The following GALNT1 variants were observed in gnomAD, a reference collection of about 807,000 sequenced individuals.
GALNT1 encodes polypeptide N-acetylgalactosaminyltransferase 1, also known as GalNAc transferase 1.
A neutral mutation model predicts 65.7 loss-of-function variants in GALNT1; 17 were observed. That is an observed-to-expected ratio of 0.26 (90% confidence interval 0.18 to 0.39). GALNT1 has a LOEUF of 0.39. Ranked by LOEUF, GALNT1 falls within the 10% of genes least tolerant of loss-of-function variation. The pLI is 1.00. For missense variants in GALNT1, 460 were observed against 672.8 expected, an observed-to-expected ratio of 0.68 and a Z score of 3.50; for synonymous variants, 210 against 219.7, an observed-to-expected ratio of 0.96 and a Z score of 0.39.
At chr18:35,588,230 G>A (rs2046399483) in intron 1 of GALNT1, among the ~76,000 whole-genome samples, 2 of 152,114 alleles carry the variant, frequency 1.3e-5, no homozygotes, top group Admixed American at 1.3e-4. Flanking sequence ...TGTGTTGATA[G>A]TTCTTTCAGC....
At chr18:35,604,590 T>C (rs2046623752) in intron 1 of GALNT1, among the ~76,000 whole-genome samples, 1 of 152,196 alleles carries the variant, frequency 6.6e-6, no homozygotes, top group African/African-American at 2.4e-5. Flanking sequence ...ATTTTTTGAC[T>C]TTTTAATAAT....
intron 1 of GALNT1, among the ~76,000 whole-genome samples, chr18:35,605,334 C>T (rs2046632564): frequency 6.6e-6 from 1 of 151,968 alleles, no homozygotes. Context: ...CCCGTCTCTA[C>T]TAAAAATACA....
At chr18:35,619,545 G>T (rs1291533151) in intron 1 of GALNT1, among the ~76,000 whole-genome samples, 4 of 152,130 alleles carry the variant, frequency 2.6e-5, no homozygotes, top group Non-Finnish European at 5.9e-5. Context: ...AAAAAAATTG[G>T]GAAAAGGGAG....
At chr18:35,599,802 T>C (rs1397112697) in intron 1 of GALNT1, among the ~76,000 whole-genome samples, 1 of 152,238 alleles carries the variant, frequency 6.6e-6, no homozygotes, top group Non-Finnish European at 1.5e-5. Flanking sequence ...CCAGTGATTA[T>C]TCTTCTTGCC....
At chr18:35,616,541 A>G (rs949124809) in intron 1 of GALNT1, among the ~76,000 whole-genome samples, 1 of 152,182 alleles carries the variant, frequency 6.6e-6, no homozygotes, top group Non-Finnish European at 1.5e-5. Context: ...CCTGCATTGC[A>G]TATGGCTAAT....
intron 4 of GALNT1, 52 bp downstream of exon 4, chr18:35,677,809 G>A (rs188999320): frequency 6.7e-5 from 88 of 1,314,992 alleles, no homozygotes; most frequent in East Asian, 4.9e-4. Flanking sequence ...TGTCACTAAC[G>A]GTTAAAACTA....
At chr18:35,648,126 G>A (rs2047258321) in intron 1 of GALNT1, among the ~76,000 whole-genome samples, 1 of 147,176 alleles carries the variant, frequency 6.8e-6, no homozygotes, top group East Asian at 2.0e-4. Flanking sequence ...GAAAGAGGGA[G>A]GGAAGGAAGG....
At chr18:35,648,910 G>T (rs903263986) in intron 1 of GALNT1, among the ~76,000 whole-genome samples, 3 of 152,314 alleles carry the variant, frequency 2.0e-5, no homozygotes, top group East Asian at 3.9e-4. Context: ...GCCCTTGGCA[G>T]CCGCTGATCT....
chr18:35,612,078 A>G (rs1477024796), intron 1 of GALNT1, among the ~76,000 whole-genome samples: 1 of 152,212 alleles, frequency 6.6e-6, no homozygotes, highest in Non-Finnish European at 1.5e-5. Flanking sequence ...ATAAAATATG[A>G]GCTCTAGCTT....
At chr18:35,672,807 G>A (rs1000641827) in intron 3 of GALNT1, among the ~76,000 whole-genome samples, 17 of 151,728 alleles carry the variant, frequency 1.1e-4, no homozygotes, top group African/African-American at 4.1e-4. Context: ...TATTTAAAAA[G>A]TAATTTTAAT....
chr18:35,707,178 T>A (rs1470942056), intron 11 of GALNT1, among the ~76,000 whole-genome samples: 1 of 152,246 alleles, frequency 6.6e-6, no homozygotes, highest in African/African-American at 2.4e-5. Flanking sequence ...TGACTACTTG[T>A]ATCTGTCCTT....
chr18:35,587,156 A>T (rs1383992638), intron 1 of GALNT1, among the ~76,000 whole-genome samples: 1 of 152,200 alleles, frequency 6.6e-6, no homozygotes, highest in Non-Finnish European at 1.5e-5. Context: ...CCATGTACTC[A>T]TTGCCAGTAT....
At chr18:35,582,568 C>T (rs2046335449) in intron 1 of GALNT1, among the ~76,000 whole-genome samples, 1 of 152,174 alleles carries the variant, frequency 6.6e-6, no homozygotes, top group Admixed American at 6.5e-5. Flanking sequence ...CTAACCAACC[C>T]GTCTACCAAA....
chr18:35,686,319 C>T (rs984982192), intron 5 of GALNT1, among the ~76,000 whole-genome samples: 2 of 152,008 alleles, frequency 1.3e-5, no homozygotes, highest in African/African-American at 4.8e-5. Context: ...TTGAAATCTC[C>T]ACAGAATTTT....
chr18:35,630,402 C>T (rs2046990057), intron 1 of GALNT1, among the ~76,000 whole-genome samples: 3 of 152,182 alleles, frequency 2.0e-5, no homozygotes, highest in Admixed American at 1.3e-4. Context: ...AAGAAACTCA[C>T]TCAAAACCAC....
chr18:35,640,103 T>C (rs2047142179), intron 1 of GALNT1, among the ~76,000 whole-genome samples: 1 of 152,208 alleles, frequency 6.6e-6, no homozygotes, highest in South Asian at 2.1e-4. Flanking sequence ...CAGCCTTAAC[T>C]ACTAGATTTC....
At chr18:35,686,662 A>G (rs2047872043) in intron 5 of GALNT1, among the ~76,000 whole-genome samples, 1 of 152,214 alleles carries the variant, frequency 6.6e-6, no homozygotes, top group Non-Finnish European at 1.5e-5. Context: ...GAAGAAATAA[A>G]TGAAGTTGGA....
rs189141847 is a variant in GALNT1, at chr18:35,668,235, C to G, written c.314+4433C>G. ...GAAATAAAAACGTACAGTAGAGGAACAGCAAAGTCAAAAGTTCATGGGAAA... is the reference window on the plus strand; with the variant it reads ...GAAATAAAAACGTACAGTAGAGGAAGAGCAAAGTCAAAAGTTCATGGGAAA... On this transcript the variant is annotated intron_variant, in intron 3 of 11. Transcript: ENST00000269195. Among the ~76,000 whole-genome samples, 57 of 152,006 alleles carry G rather than the reference C, an allele frequency of 3.7e-4. No individual in the cohort carries two copies. The Middle Eastern group carries it at 0.01, about 27-fold the overall frequency.
chr18:35,627,821 A>C (rs1378217264), intron 1 of GALNT1, among the ~76,000 whole-genome samples: 1 of 152,158 alleles, frequency 6.6e-6, no homozygotes, highest in Non-Finnish European at 1.5e-5. Flanking sequence ...TTTCCTAGCC[A>C]AGGGAAGGAG....
Sources: allele counts gnomAD v4.1 joint callset (sites outside exome capture counted in the v4.1 genomes callset), GRCh38; gene constraint gnomAD v4.1.1; transcripts MANE v1.5; gene names NCBI Gene and HGNC (gene_info 2026-07-23, HGNC 2026-07-21).